Variants in MTRFR observed in about 807,000 individuals in gnomAD.
MTRFR encodes probable peptide chain release factor C12orf65, mitochondrial.
A neutral mutation model predicts 11.9 loss-of-function variants in MTRFR; 10 were observed. The ratio of observed to expected loss-of-function variants is 0.84; its 90% CI spans 0.52 to 1.42. MTRFR has a LOEUF of 1.42. Ranked by LOEUF, MTRFR falls within the 40% of genes most tolerant of loss-of-function variation. The pLI is 0.00. For missense variants in MTRFR, 196 were observed against 197.9 expected, an observed-to-expected ratio of 0.99 and a Z score of 0.06; for synonymous variants, 77 against 79.1, an observed-to-expected ratio of 0.97 and a Z score of 0.14.
intron 2 of MTRFR, chr12:123,254,204 G>T: frequency 1.9e-6 from 1 of 521,450 alleles, no homozygotes; most frequent in Non-Finnish European, 3.4e-6. Flanking sequence ...GCCAGGGTAT[G>T]GCTGCCATCC....
intron 1 of MTRFR, among the ~76,000 whole-genome samples, chr12:123,243,632 G>A (rs377554590): frequency 9.2e-5 from 14 of 152,108 alleles, no homozygotes; most frequent in Non-Finnish European, 1.6e-4. Context: ...TTGAACCCAG[G>A]AGGCGGAGGT....
At chr12:123,241,330 T>G (rs902249294) in intron 1 of MTRFR, among the ~76,000 whole-genome samples, 8 of 151,904 alleles carry the variant, frequency 5.3e-5, no homozygotes, top group African/African-American at 1.2e-4. Flanking sequence ...TTTACTGTTT[T>G]TTGTTGTTGT....
At chr12:123,253,521 TA>T in intron 1 of MTRFR, 125 bp from the exon 2 acceptor site, 2 of 923,646 alleles carry the variant, frequency 2.2e-6, no homozygotes, top group Non-Finnish European at 3.4e-6. Flanking sequence ...ACTCATTTCC[TA>T]AATTCCCTCG....
intron 1 of MTRFR, among the ~76,000 whole-genome samples, chr12:123,235,661 C>T (rs912840094): frequency 4.0e-5 from 6 of 151,752 alleles, no homozygotes; most frequent in African/African-American, 1.5e-4. Flanking sequence ...CGTGAGCCAC[C>T]GCGCTCGGCC....
chr12:123,249,559 C>T (rs958668913), intron 1 of MTRFR: 11 of 153,498 alleles, frequency 7.2e-5, no homozygotes, highest in African/African-American at 1.9e-4. Context: ...AGCTGCTGGC[C>T]GGGGTGCTAA....
At chr12:123,254,352 C>A in intron 2 of MTRFR, 1 of 219,482 alleles carries the variant, frequency 4.6e-6, no homozygotes, top group Non-Finnish European at 9.2e-6. Context: ...GGAAGGCTGC[C>A]GAGATCCCCA....
intron 1 of MTRFR, chr12:123,243,816 G>A (rs556115629): frequency 2.6e-5 from 4 of 152,308 alleles, no homozygotes; most frequent in African/African-American, 7.2e-5. Context: ...TAACCTAGAA[G>A]CTTACATGTA....
intron 1 of MTRFR, among the ~76,000 whole-genome samples, chr12:123,239,210 A>C (rs2047893487): frequency 6.6e-6 from 1 of 152,212 alleles, no homozygotes; most frequent in African/African-American, 2.4e-5. Context: ...CAGAGATTGC[A>C]GTGAGCTGAG....
chr12:123,237,416 G>A (rs550833467), intron 1 of MTRFR, among the ~76,000 whole-genome samples: 15 of 152,208 alleles, frequency 9.9e-5, no homozygotes, highest in African/African-American at 3.1e-4. Flanking sequence ...GGTGACAAGC[G>A]AAACTCCGGC....
intron 1 of MTRFR, among the ~76,000 whole-genome samples, chr12:123,246,709 A>ATTTTTTTTTTTTTTTTT (rs1157677577): frequency 1.9e-5 from 1 of 53,456 alleles, no homozygotes; most frequent in African/African-American, 9.4e-5. Context: ...TATAATTTCA[A>ATTTTTTTTTTTTTTTTT]TTTTTTTTTT....
At chr12:123,240,083 G>A (rs1265062519) in intron 1 of MTRFR, among the ~76,000 whole-genome samples, 6 of 151,474 alleles carry the variant, frequency 4.0e-5, no homozygotes, top group African/African-American at 1.5e-4. Context: ...GCAGAGCCTC[G>A]CCGGGCAAGG....
intron 1 of MTRFR, among the ~76,000 whole-genome samples, chr12:123,243,529 C>CAA (rs55817401): frequency 8.5e-6 from 1 of 117,794 alleles, no homozygotes; most frequent in African/African-American, 3.5e-5. Flanking sequence ...GACTCCGTCT[C>CAA]AAAAAAAAAA....
intron 1 of MTRFR, chr12:123,240,727 C>CTTTTTT (rs62837760): frequency 2.9e-5 from 3 of 102,104 alleles, no homozygotes; most frequent in African/African-American, 1.1e-4. Flanking sequence ...TTTTATTGAC[C>CTTTTTT]TTTTTTTTTT....
intron 2 of MTRFR, among the ~76,000 whole-genome samples, chr12:123,256,454 C>T (rs1413339236): frequency 2.6e-5 from 4 of 152,176 alleles, no homozygotes; most frequent in African/African-American, 7.2e-5. Context: ...GGGGCTTTGC[C>T]ATCCAGGTTT....
At chr12:123,234,719 G>A (rs2047811193) in intron 1 of MTRFR, among the ~76,000 whole-genome samples, 1 of 152,078 alleles carries the variant, frequency 6.6e-6, no homozygotes, top group African/African-American at 2.4e-5. Context: ...TAAATTTGAT[G>A]TTATCCTATC....
chr12:123,251,524 C>G (rs929760124), intron 1 of MTRFR: 1 of 152,328 alleles, frequency 6.6e-6, no homozygotes, highest in African/African-American at 2.4e-5. Context: ...CTGCTGCTTC[C>G]TCTACCCCTG....
chr12:123,255,473 A>G (rs182036593), intron 2 of MTRFR, among the ~76,000 whole-genome samples: 34 of 150,470 alleles, frequency 2.3e-4, no homozygotes, highest in African/African-American at 8.0e-4. Context: ...TTTTTTTTTT[A>G]AGAGACAGGG....
Position 123,257,348 on chromosome 12 carries a change from CT to C in MTRFR, c.*318del, listed in dbSNP as rs2048194292. ...TGGCCAACATGGTGAAACCCCGTCT[CT>C]ACTAAAAATACAAAAAATTAGCCAG... On this transcript the variant is annotated 3_prime_UTR_variant, in exon 3 of 3. Transcript: ENST00000253233. 3.9e-6 allele frequency: 1 copy of C among 258,830 alleles called. No homozygotes were observed. Among genetic ancestry groups the C allele is most frequent in the African/African-American group, 2.3e-5 (1 of 43,482 alleles). The allele number at this position is 258,830 out of a possible 1,614,324, so 16.0% of individuals were successfully genotyped here.
chr12:123,251,712 A>G (rs1012676388), intron 1 of MTRFR: 7 of 173,458 alleles, frequency 4.0e-5, no homozygotes, highest in South Asian at 3.7e-4. Flanking sequence ...TGCAGGAGCA[A>G]TCCGCTTCCT....
Sources: gnomAD v4.1 joint callset for allele counts (sites outside exome capture counted in the v4.1 genomes callset) on GRCh38, gnomAD v4.1.1 for gene constraint, MANE v1.5 for transcripts, NCBI Gene and HGNC (gene_info 2026-07-23, HGNC 2026-07-21) for gene names.